The following DNAH9 variants were observed in gnomAD, a reference collection of about 807,000 sequenced individuals.
The protein encoded by DNAH9 is DNAH9 variant protein.
DNAH9 carries 345 observed loss-of-function variants against 471.6 expected under a neutral mutation model. The observed-to-expected ratio is 0.73, with a 90% CI of 0.67 to 0.80. The LOEUF is 0.80. Ranked by LOEUF, DNAH9 falls within the 30% of genes least tolerant of loss-of-function variation. DNAH9 has a pLI of 0.00. For synonymous variants in DNAH9, 2,093 were observed against 2,123.6 expected, an observed-to-expected ratio of 0.99 and a Z score of 0.40; for missense variants, 5,407 against 5,609.2, an observed-to-expected ratio of 0.96 and a Z score of 1.15.
chr17:11,870,482 A>G lies in DNAH9; in HGVS notation c.10054-1116A>G, dbSNP rs372944455. Among the ~76,000 whole-genome samples, 42 of 152,360 alleles carry G rather than the reference A, an allele frequency of 2.8e-4. No individual in the cohort carries two copies. In the South Asian group the frequency reaches 3.3e-3, roughly 12 times the overall value. ...AGAGCCAGATGTTTTAATCTGGGGA[A>G]CAGTGAGTCATAGCGATCACTGAAT... is the stretch of plus-strand genomic sequence containing the variant. On this transcript the variant is annotated intron_variant, in intron 51 of 68. Coordinates refer to ENST00000262442, the MANE Select transcript of DNAH9 (RefSeq NM_001372.4).
chr17:11,797,684 G>C lies in DNAH9; in HGVS notation c.8311G>C (p.Val2771Leu), dbSNP rs751237444. Reference sequence around the variant, plus strand: ...TATTGGGGAGCCCAAATACATGCCTGTACAGTCTTGGGAACTTTTGACCCA... The same window carrying C: ...TATTGGGGAGCCCAAATACATGCCTCTACAGTCTTGGGAACTTTTGACCCA... ...NGIGEPKYMP[V>L]QSWELLTQTL... The change falls in exon 43 of 69, where the codon GTA becomes CTA. Residue 2771 changes from valine to leucine, a missense_variant. Physicochemically the swap from Val to Leu is conservative, Grantham distance 32. Coordinates refer to ENST00000262442, the MANE Select transcript of DNAH9 (RefSeq NM_001372.4). 6.2e-7 allele frequency: 1 copy of C among 1,614,190 alleles called. No individual in the cohort carries two copies. The highest frequency in any genetic ancestry group is 8.5e-7 in the Non-Finnish European group (1 of 1,180,030).
At position 11,928,154 on chromosome 17, in the gene DNAH9, A is replaced by G. The variant is rs1326393005; in HGVS notation, c.11878-1712A>G. ...TCATTCATTTATTTATTTATTTTGT[A>G]GAGATGGGGTTTCACCATGTTGGCC... On this transcript the variant is annotated intron_variant, in intron 62 of 68. Coordinates refer to ENST00000262442, the MANE Select transcript of DNAH9 (RefSeq NM_001372.4). Among the ~76,000 whole-genome samples, 5 of 142,880 alleles carry G rather than the reference A, an allele frequency of 3.5e-5. No individual in the cohort carries two copies. In the South Asian group the frequency reaches 1.1e-3, roughly 31 times the overall value. 93.7% of individuals were successfully genotyped at this position (142,880 alleles called of 152,430 possible). A position where few individuals can be genotyped will look rare whatever the true frequency, so the allele number is the denominator to read the frequency against.
intron 32 of DNAH9, 28 bp downstream of exon 32, chr17:11,747,794 G>A (rs373220627): frequency 3.2e-5 from 51 of 1,593,674 alleles, no homozygotes; most frequent in Non-Finnish European, 3.7e-5. Context: ...CCAGGAGAAA[G>A]TCTCTGCTAG....
At chr17:11,863,089 G>A (rs183773849) in intron 50 of DNAH9, among the ~76,000 whole-genome samples, 32 of 152,302 alleles carry the variant, frequency 2.1e-4, no homozygotes, top group African/African-American at 7.2e-4. Flanking sequence ...GGGCGTTCCT[G>A]TCTTGTGCCA....
At chr17:11,653,247 C>T (rs2073553075) in intron 14 of DNAH9, among the ~76,000 whole-genome samples, 1 of 152,194 alleles carries the variant, frequency 6.6e-6, no homozygotes, top group Non-Finnish European at 1.5e-5. Flanking sequence ...TGTCACATGA[C>T]TTCGGTCTCA....
intron 17 of DNAH9, among the ~76,000 whole-genome samples, chr17:11,670,884 G>T (rs1013676495): frequency 6.6e-6 from 1 of 152,116 alleles, no homozygotes; most frequent in East Asian, 1.9e-4. Flanking sequence ...TGTACTTTTA[G>T]TGGAGACAGG....
At position 11,601,845 on chromosome 17, in the gene DNAH9, TGA is replaced by T. The variant is rs2072393323; in HGVS notation, c.417+2935_417+2936del. ...CTAAAGCCAGAAGAACCTACCTGGC[TGA>T]GAGACGTCTTCCTGCCTTGTGTGTG... On this transcript the variant is annotated intron_variant, in intron 1 of 68. Transcript: ENST00000262442. 2.6e-5 allele frequency among the ~76,000 whole-genome samples: 4 copies of T among 152,180 alleles called. No individual in the cohort carries two copies. In the South Asian group the frequency reaches 8.3e-4, roughly 32 times the overall value.
At position 11,669,437 on chromosome 17, in the gene DNAH9, T is replaced by C. The variant is rs781268433; in HGVS notation, c.2996T>C (p.Met999Thr). Residue 999 changes from methionine to threonine, a missense_variant, in exon 17 of 69, where the codon ATG (methionine) becomes ACG (threonine). Coordinates refer to ENST00000262442, the MANE Select transcript of DNAH9 (RefSeq NM_001372.4). ...RRTLMERVQR[M>T]MGLCCGYQST... ...ACACTCATGGAGAGAGTCCAGAGAA[T>C]GATGGGCCTCTGCTGTGGCTATCAG... 6 of 1,614,020 alleles carry C rather than the reference T, an allele frequency of 3.7e-6. No individual in the cohort carries two copies. In the African/African-American group the frequency reaches 8.0e-5, roughly 22 times the overall value.
chr17:11,598,750 C>G lies in DNAH9; in HGVS notation c.252C>G (p.Arg84=), dbSNP rs1394176364. 1.4e-6 allele frequency: 2 copies of G among 1,425,500 alleles called. No homozygotes were observed. Among genetic ancestry groups the G allele is most frequent in the Admixed American group, 5.9e-5 (2 of 34,000 alleles). The allele number at this position is 1,425,500 out of a possible 1,614,324, so 88.3% of individuals were successfully genotyped here. Reference sequence around the variant, plus strand: ...CCGGGCCCAGGGGCCTGGCAATACGCCCCGGGCTGGAGGTGGGACCTGAGT... The same window carrying G: ...CCGGGCCCAGGGGCCTGGCAATACGGCCCGGGCTGGAGGTGGGACCTGAGT... ...VRPGPRGLAI[R]PGLEVGPESG... The change falls in exon 1 of 69, where the codon CGC becomes CGG. Residue 84 remains arginine, a synonymous_variant. Transcript: ENST00000262442.
chr17:11,708,014 CAGAGAGAGAGAGAGAGAG>C (rs34314090), intron 26 of DNAH9, among the ~76,000 whole-genome samples: 40 of 52,208 alleles, frequency 7.7e-4, no homozygotes, highest in African/African-American at 2.6e-3. Flanking sequence ...CACACACACA[CAGAGAGAGAGAGAGAGAG>C]AGAGAGAGAG....
chr17:11,942,240 A>C, intron 66 of DNAH9, 63 bp from the exon 67 acceptor site: 1 of 1,569,370 alleles, frequency 6.4e-7, no homozygotes, highest in Non-Finnish European at 8.7e-7. Context: ...ACACTGCAGG[A>C]AAATGGATTC....
At chr17:11,778,329 C>CAAAAAAAAAAAAAAAAA (rs57983162) in intron 38 of DNAH9, among the ~76,000 whole-genome samples, 1 of 48,638 alleles carries the variant, frequency 2.1e-5, no homozygotes, top group African/African-American at 5.1e-5. Flanking sequence ...GACTCCATCT[C>CAAAAAAAAAAAAAAAAA]AAAAAAAAAA....
chr17:11,701,169 G>A lies in DNAH9; in HGVS notation c.5073G>A (p.Val1691=), dbSNP rs1195194764. The A allele has an allele frequency of 3.1e-6, 5 of 1,614,156 alleles. No individual in the cohort carries two copies. Among genetic ancestry groups the A allele is most frequent in the Non-Finnish European group, 4.2e-6 (5 of 1,179,988 alleles). The change falls in exon 24 of 69, where the codon GTG becomes GTA. Residue 1691 remains valine, a synonymous_variant. Coordinates refer to ENST00000262442, the MANE Select transcript of DNAH9 (RefSeq NM_001372.4). ...NHVLGHMKAT[V]RHEMTEGVTA... is the part of the protein sequence containing the mutation. ...TCCTTGGTCACATGAAGGCCACTGT[G>A]AGGCATGAGATGACAGAAGGTGTAA...
intron 27 of DNAH9, among the ~76,000 whole-genome samples, 186 bp from the exon 28 acceptor site, chr17:11,727,632 G>A (rs757102790): frequency 2.6e-5 from 4 of 152,178 alleles, no homozygotes; most frequent in African/African-American, 4.8e-5. Context: ...GTTTAATCCT[G>A]TGACTTCTGT....
At chr17:11,657,132 GT>G (rs2150710398) in intron 14 of DNAH9, among the ~76,000 whole-genome samples, 1 of 152,262 alleles carries the variant, frequency 6.6e-6, no homozygotes, top group East Asian at 1.9e-4. Context: ...ATGTGTGTAA[GT>G]AATAGCCCAG....
chr17:11,630,864 G>GTGTATACA (rs1463558112), intron 7 of DNAH9, among the ~76,000 whole-genome samples: 1 of 152,188 alleles, frequency 6.6e-6, no homozygotes, highest in Non-Finnish European at 1.5e-5. Context: ...TCATTTCACA[G>GTGTATACA]TGTATACATG....
chr17:11,686,403 A>G (rs2074242363), intron 19 of DNAH9, among the ~76,000 whole-genome samples: 1 of 152,160 alleles, frequency 6.6e-6, no homozygotes, highest in African/African-American at 2.4e-5. Context: ...TCAAAGACTC[A>G]ACCCACCCTT....
chr17:11,926,722 A>G (rs1459037129), intron 62 of DNAH9, among the ~76,000 whole-genome samples: 1 of 152,190 alleles, frequency 6.6e-6, no homozygotes, highest in East Asian at 1.9e-4. Context: ...GAACATATGC[A>G]TGCATGTATC....
At chr17:11,617,745 T>C (rs2072776487) in intron 5 of DNAH9, 123 bp downstream of exon 5, 1 of 679,538 alleles carries the variant, frequency 1.5e-6, no homozygotes, top group Non-Finnish European at 2.5e-6. Context: ...AAAGAGTTCT[T>C]ACACTTGAAT....
Sources: gnomAD v4.1 joint callset for allele counts (sites outside exome capture counted in the v4.1 genomes callset) on GRCh38, gnomAD v4.1.1 for gene constraint, MANE v1.5 for transcripts, NCBI Gene and HGNC (gene_info 2026-07-23, HGNC 2026-07-21) for gene names.